The following SASH1 variants were observed in gnomAD, a reference collection of about 807,000 sequenced individuals.
The protein encoded by SASH1 is SAM and SH3 domain-containing protein 1.
A neutral mutation model predicts 125.2 loss-of-function variants in SASH1; 44 were observed. The ratio of observed to expected loss-of-function variants is 0.35; its 90% CI spans 0.28 to 0.45. SASH1 has a LOEUF of 0.45. SASH1 is among the 20% of genes least tolerant of loss of function. The pLI, the probability that SASH1 is intolerant of heterozygous loss-of-function variation, is 1.00. For missense variants in SASH1, 1,426 were observed against 1,614.5 expected (o/e 0.88, Z 2.00); for synonymous variants, 639 against 649.1 (o/e 0.98, Z 0.24).
chr6:148,549,420 T>TGCGC lies in SASH1; in HGVS notation c.*864_*867dup, dbSNP rs1011426359. 6 of 392,246 alleles carry TGCGC rather than the reference T, an allele frequency of 1.5e-5. No individual in the cohort carries two copies. In the South Asian group the frequency reaches 4.3e-4, roughly 28 times the overall value. The allele number at this position is 392,246 out of a possible 1,614,324, so 24.3% of individuals were successfully genotyped here. A position where few individuals can be genotyped will look rare whatever the true frequency, so the allele number is the denominator to read the frequency against. ...AATATCATGTGTGTGCGTGCGTGCGTGCGCGTGTGTGTCTGTATTCATAGT... is the reference window on the plus strand; with the variant it reads ...AATATCATGTGTGTGCGTGCGTGCGTGCGCGCGCGTGTGTGTCTGTATTCATAGT... On this transcript the variant is annotated 3_prime_UTR_variant, in exon 20 of 20. Transcript: ENST00000367467.
chr6:148,422,887 T>G lies in SASH1; in HGVS notation c.286-17297T>G, dbSNP rs189131635. 2.6e-3 allele frequency among the ~76,000 whole-genome samples: 398 copies of G among 152,328 alleles called. 1 individual carries two copies. Among genetic ancestry groups the G allele is most frequent in the Non-Finnish European group, 4.8e-3 (328 of 68,026 alleles). ...TGAGATTCCAATTTTTATATAATTCTTTTCTTTCTCAAATAATATGATATC... is the reference window on the plus strand; with the variant it reads ...TGAGATTCCAATTTTTATATAATTCGTTTCTTTCTCAAATAATATGATATC... On this transcript the variant is annotated intron_variant, in intron 2 of 19. Transcript: ENST00000367467.
chr6:148,197,684 C>T, the SASH1 span, among the ~76,000 whole-genome samples: 1 of 152,188 alleles, frequency 6.6e-6, no homozygotes, highest in Non-Finnish European at 1.5e-5. Context: ...CATTTTTCCT[C>T]TTTCTTCCTC....
chr6:148,468,669 C>T, intron 5 of SASH1, 84 bp downstream of exon 5: 2 of 843,796 alleles, frequency 2.4e-6, no homozygotes, highest in South Asian at 3.3e-5. Flanking sequence ...ACAAAACCCA[C>T]AAGAATCCTT....
intron 2 of SASH1, among the ~76,000 whole-genome samples, chr6:148,426,281 C>A (rs777523763): frequency 6.6e-6 from 1 of 151,554 alleles, no homozygotes; most frequent in Non-Finnish European, 1.5e-5. Flanking sequence ...TCAGTTTCTC[C>A]TAGTGTGCAG....
At chr6:148,449,078 C>CTTTTTCTTTTTCTTTTTTTTTTTTTTT in intron 4 of SASH1, among the ~76,000 whole-genome samples, 1 of 88,736 alleles carries the variant, frequency 1.1e-5, no homozygotes, top group African/African-American at 4.3e-5. Context: ...CATTTCATTT[C>CTTTTTCTTTTTCTTTTTTTTTTTTTTT]TTTTTTTTTT....
chr6:148,244,926 GTGTGTA>G, the SASH1 span, among the ~76,000 whole-genome samples: 368 of 137,716 alleles, frequency 2.7e-3, 3 homozygotes, highest in African/African-American at 9.6e-3. Context: ...GTGTGTGTGT[GTGTGTA>G]TGTGTGTGTG....
the SASH1 span, among the ~76,000 whole-genome samples, chr6:148,253,144 G>T: frequency 6.6e-6 from 1 of 152,174 alleles, no homozygotes; most frequent in East Asian, 1.9e-4. Context: ...TAAAAAAGAA[G>T]AGCAAAGCTA....
chr6:148,281,072 AGCTGGAATCACAG>A (rs1165374916), intron 1 of SASH1, among the ~76,000 whole-genome samples: 2 of 142,996 alleles, frequency 1.4e-5, no homozygotes, highest in African/African-American at 5.2e-5. Context: ...CCTCCCAAGT[AGCTGGAATCACAG>A]GCATGCACCA....
chr6:148,302,887 T>C (rs1316642882), intron 1 of SASH1, among the ~76,000 whole-genome samples: 1 of 151,652 alleles, frequency 6.6e-6, no homozygotes, highest in East Asian at 1.9e-4. Flanking sequence ...ATGGCAACTA[T>C]TCTTCTCCCA....
At chr6:148,377,165 G>A (rs1291308079) in intron 1 of SASH1, among the ~76,000 whole-genome samples, 1 of 103,258 alleles carries the variant, frequency 9.7e-6, no homozygotes, top group African/African-American at 3.6e-5. Flanking sequence ...GCGAGACTCC[G>A]TCTCAAAAAA....
At chr6:148,262,971 G>A in the SASH1 span, among the ~76,000 whole-genome samples, 1 of 152,332 alleles carries the variant, frequency 6.6e-6, no homozygotes, top group Admixed American at 6.5e-5. Context: ...CAAACATTCA[G>A]CACTAGAAAA....
At chr6:148,278,807 G>T (rs1485285732) in intron 1 of SASH1, 4 of 152,124 alleles carry the variant, frequency 2.6e-5, no homozygotes, top group African/African-American at 9.7e-5. Flanking sequence ...ATCTGCAAGT[G>T]CAATAAATAC....
chr6:148,424,738 C>T (rs749129812), intron 2 of SASH1, among the ~76,000 whole-genome samples: 1 of 152,184 alleles, frequency 6.6e-6, no homozygotes, highest in African/African-American at 2.4e-5. Flanking sequence ...GGCCAGACTT[C>T]AGGTGGGGCT....
chr6:148,444,407 A>G (rs532520265), intron 4 of SASH1, among the ~76,000 whole-genome samples: 1 of 152,204 alleles, frequency 6.6e-6, no homozygotes, highest in South Asian at 2.1e-4. Flanking sequence ...GCATCTCAGC[A>G]TCTATTGTGG....
chr6:148,544,088 C>T lies in SASH1; in HGVS notation c.2618C>T (p.Thr873Ile). 1 of 1,614,092 alleles carries T rather than the reference C, an allele frequency of 6.2e-7. No individual in the cohort carries two copies. ...QIVPEVPQKT[T>I]ASSTKAQPLE... ...GTACCTGAAGTGCCACAGAAGACGA[C>T]CGCCTCTTCCACGAAGGCCCAGCCC... Residue 873 changes from threonine to isoleucine, a missense_variant, in exon 18 of 20, where the codon ACC becomes ATC. Thr to Ile is a moderately conservative substitution (Grantham distance 89). Transcript: ENST00000367467. This position sits in a 1 kb window ranked among gnomAD's most constrained non-coding sequence, Gnocchi z 6.4.
chr6:148,315,188 T>C (rs1780448839), intron 1 of SASH1, among the ~76,000 whole-genome samples: 1 of 152,244 alleles, frequency 6.6e-6, no homozygotes, highest in Admixed American at 6.5e-5. Context: ...ATATATTGAC[T>C]GTGACTGCTC....
At chr6:148,240,168 T>G in the SASH1 span, 2 of 152,194 alleles carry the variant, frequency 1.3e-5, no homozygotes, top group East Asian at 1.9e-4. Flanking sequence ...TTTGCTTTTT[T>G]TTTTTTTTTA....
intron 6 of SASH1, among the ~76,000 whole-genome samples, chr6:148,472,932 G>T (rs779848689): frequency 6.6e-6 from 1 of 152,192 alleles, no homozygotes; most frequent in Non-Finnish European, 1.5e-5. Flanking sequence ...GTGTGGGACT[G>T]GAGTGGGGAT....
chr6:148,421,146 GAAGAAAGAAAGAAAGAAAGAAAGA>G (rs751049278), intron 2 of SASH1, among the ~76,000 whole-genome samples: 868 of 71,226 alleles, frequency 0.012, 15 homozygotes, highest in South Asian at 0.023. Flanking sequence ...AGGAAGGAAG[GAAGAAAGAAAGAAAGAAAGAAAGA>G]AAGAAAGAAA....
Sources: gnomAD v4.1 joint callset for allele counts (sites outside exome capture counted in the v4.1 genomes callset) on GRCh38, gnomAD v4.1.1 for gene constraint, Gnocchi (gnomAD v3.1) non-coding constraint, MANE v1.5 for transcripts, NCBI Gene and HGNC (gene_info 2026-07-23, HGNC 2026-07-21) for gene names.